The following SHROOM4 variants were observed in gnomAD, a reference collection of about 807,000 sequenced individuals.
The protein encoded by SHROOM4 is protein Shroom4.
SHROOM4 carries 17 observed loss-of-function variants against 80.3 expected under a neutral mutation model. The observed-to-expected ratio is 0.21, with a 90% confidence interval of 0.14 to 0.32. The LOEUF (loss-of-function observed/expected upper bound fraction) is 0.32. SHROOM4 is among the 10% of genes least tolerant of loss of function. The pLI is 1.00. For synonymous variants in SHROOM4, 400 were observed against 437.5 expected, an observed-to-expected ratio of 0.91 and a Z score of 1.07; for missense variants, 993 against 1,140.3, an observed-to-expected ratio of 0.87 and a Z score of 1.86.
chrX:50,641,546 A>C (rs1360933955), intron 2 of SHROOM4, among the ~76,000 whole-genome samples: 1 of 111,147 alleles, frequency 9.0e-6, no homozygotes, highest in Non-Finnish European at 1.9e-5. Context: ...GGTACCATCC[A>C]CTGTTGAGGT....
intron 1 of SHROOM4, among the ~76,000 whole-genome samples, chrX:50,764,653 A>G (rs1935233843): frequency 1.8e-5 from 2 of 111,663 alleles, no homozygotes; most frequent in African/African-American, 3.3e-5. Context: ...GAGACTTTAA[A>G]TAGTTGTTTT....
chrX:50,775,723 C>T (rs1045364997), intron 1 of SHROOM4, among the ~76,000 whole-genome samples: 2 of 111,913 alleles, frequency 1.8e-5, no homozygotes, highest in South Asian at 3.7e-4. Context: ...ATGAGCCCAA[C>T]ATCTGACTTG....
intron 2 of SHROOM4, among the ~76,000 whole-genome samples, chrX:50,656,481 T>G (rs1932310463): frequency 8.9e-6 from 1 of 112,160 alleles, no homozygotes; most frequent in South Asian, 3.7e-4. Context: ...ATATCCAGTT[T>G]TCATGACACC....
intron 1 of SHROOM4, among the ~76,000 whole-genome samples, chrX:50,724,770 C>T (rs1229723843): frequency 3.6e-5 from 4 of 112,589 alleles, no homozygotes; most frequent in African/African-American, 6.4e-5. Context: ...CATGAGCCAC[C>T]GTGCCCGGCC....
intron 2 of SHROOM4, among the ~76,000 whole-genome samples, chrX:50,651,191 A>G (rs1932040746): frequency 8.9e-6 from 1 of 112,210 alleles, no homozygotes; most frequent in Non-Finnish European, 1.9e-5. Flanking sequence ...TAGAGAGGGA[A>G]CAAAAGTACA....
intron 1 of SHROOM4, among the ~76,000 whole-genome samples, chrX:50,744,254 T>C (rs1934729164): frequency 8.9e-6 from 1 of 111,813 alleles, no homozygotes; most frequent in Non-Finnish European, 1.9e-5. Context: ...GATATGTTTG[T>C]TTCCCACACA....
chrX:50,644,056 A>G (rs1051222191), intron 2 of SHROOM4, among the ~76,000 whole-genome samples: 19 of 112,041 alleles, frequency 1.7e-4, no homozygotes, highest in Admixed American at 3.8e-4. Flanking sequence ...GATTTTATAT[A>G]GCTGGGGGCA....
At chrX:50,600,226 A>G (rs1417791944) in intron 7 of SHROOM4, among the ~76,000 whole-genome samples, 1 of 111,817 alleles carries the variant, frequency 8.9e-6, no homozygotes, top group Non-Finnish European at 1.9e-5. Context: ...TTATTATTAA[A>G]TTAGTTCTAC....
intron 1 of SHROOM4, among the ~76,000 whole-genome samples, chrX:50,752,321 T>A (rs1411622464): frequency 8.9e-6 from 1 of 111,993 alleles, no homozygotes. Flanking sequence ...TTCTTCTTTT[T>A]TGATACACTA....
chrX:50,652,402 T>C (rs1354765639), intron 2 of SHROOM4, among the ~76,000 whole-genome samples: 1 of 112,215 alleles, frequency 8.9e-6, no homozygotes, highest in Non-Finnish European at 1.9e-5. Flanking sequence ...GTTCATATCC[T>C]TCACCTATTT....
chrX:50,577,740 A>T, the SHROOM4 span, among the ~76,000 whole-genome samples: 1 of 111,836 alleles, frequency 8.9e-6, no homozygotes, highest in Admixed American at 9.5e-5. Context: ...TTACCAGTGT[A>T]TGGAGGGTGT....
intron 1 of SHROOM4, among the ~76,000 whole-genome samples, chrX:50,810,431 A>G (rs1936307199): frequency 9.0e-6 from 1 of 111,433 alleles, no homozygotes; most frequent in African/African-American, 3.3e-5. Flanking sequence ...CTGAGCATGT[A>G]TGCCACACCA....
chrX:50,694,152 A>T (rs1180510584), intron 2 of SHROOM4, among the ~76,000 whole-genome samples: 2 of 111,548 alleles, frequency 1.8e-5, no homozygotes, highest in Non-Finnish European at 3.8e-5. Flanking sequence ...GTTTATTGTG[A>T]ATAGTGCTGC....
chrX:50,632,123 T>A (rs1246963084), intron 4 of SHROOM4, among the ~76,000 whole-genome samples: 1 of 111,305 alleles, frequency 9.0e-6, no homozygotes, highest in African/African-American at 3.3e-5. Context: ...CCCCACAAGT[T>A]CCCTCTGCCC....
intron 5 of SHROOM4, among the ~76,000 whole-genome samples, chrX:50,618,333 T>G (rs1295191132): frequency 8.6e-4 from 5 of 5,795 alleles, no homozygotes; most frequent in Admixed American, 1.5e-3. Flanking sequence ...CCTTCCTTCC[T>G]TCCTTCCTTC....
At position 50,602,680 on chromosome X, in the gene SHROOM4, T is replaced by A. The variant is rs1453130026; in HGVS notation, c.3895A>T (p.Ile1299Phe). 1 of 1,209,638 alleles carries A rather than the reference T, an allele frequency of 8.3e-7. No individual in the cohort carries two copies. The highest frequency in any genetic ancestry group is 1.8e-5 in the African/African-American group (1 of 57,052). ...KLKDQPEMAE[I>F]GLGEEEVDHE... ...TCAACTTCCTCCTCTCCTAGGCCAA[T>A]CTCTGCCATCTCAGGTTGGTCTTTC... Residue 1299 changes from isoleucine (I) to phenylalanine (F), a missense_variant, in exon 7 of 9, where the codon ATT (isoleucine) becomes TTT (phenylalanine). Ile to Phe is a conservative substitution (Grantham distance 21, BLOSUM62 0). Transcript: ENST00000376020.
At position 50,719,271 on chromosome X, in the gene SHROOM4, C is replaced by G. The variant is rs1934044692; in HGVS notation, c.118-23334G>C. On this transcript the variant is annotated intron_variant, in intron 1 of 8. Transcript: ENST00000376020. ...CAGTAGTGACTCTACGACTAAGATG[C>G]CTTCTACTTCTTGGTCCCATGTTCC... Among the ~76,000 whole-genome samples, 3 of 111,209 alleles carry G rather than the reference C, an allele frequency of 2.7e-5. No homozygotes were observed. In the Admixed American group the frequency reaches 2.9e-4, roughly 11 times the overall value.
intron 1 of SHROOM4, among the ~76,000 whole-genome samples, chrX:50,718,194 C>A (rs1328751328): frequency 8.9e-6 from 1 of 112,102 alleles, no homozygotes; most frequent in African/African-American, 3.2e-5. Context: ...GTGGTAGAGA[C>A]AGGCATATAA....
chrX:50,774,212 C>A (rs370814169), intron 1 of SHROOM4, among the ~76,000 whole-genome samples: 17 of 111,303 alleles, frequency 1.5e-4, no homozygotes, highest in East Asian at 1.4e-3. Flanking sequence ...GCCTGGTTCC[C>A]TTTCATCAGA....
Sources: gnomAD v4.1 joint callset for allele counts (sites outside exome capture counted in the v4.1 genomes callset) on GRCh38, gnomAD v4.1.1 for gene constraint, MANE v1.5 for transcripts, NCBI Gene and HGNC (gene_info 2026-07-23, HGNC 2026-07-21) for gene names.